Variants in PDE4B observed in about 807,000 individuals in gnomAD.
PDE4B encodes phosphodiesterase 4B.
Under a neutral mutation model 82.2 loss-of-function variants are expected in PDE4B, and 20 were observed. That is an observed-to-expected ratio of 0.24 (90% CI 0.17 to 0.35). PDE4B has a LOEUF of 0.35. Among genes scored for constraint, PDE4B ranks in the 10% least tolerant of loss-of-function variants. The pLI is 1.00. For missense variants in PDE4B, 655 were observed against 907.2 expected, an observed-to-expected ratio of 0.72 and a Z score of 3.57; for synonymous variants, 320 against 318.9, an observed-to-expected ratio of 1.00 and a Z score of -0.04.
At chr1:66,159,460 C>A (rs993316660) in intron 3 of PDE4B, among the ~76,000 whole-genome samples, 14 of 151,480 alleles carry the variant, frequency 9.2e-5, no homozygotes, top group African/African-American at 2.9e-4. Flanking sequence ...GTTGGCCAGG[C>A]TAGTCTCAAA....
chr1:66,087,770 A>G (rs1195708248), intron 3 of PDE4B, among the ~76,000 whole-genome samples: 2 of 150,452 alleles, frequency 1.3e-5, no homozygotes, highest in Admixed American at 6.6e-5. Flanking sequence ...TCGCAGGAAC[A>G]AAAAACCAAA....
At chr1:65,911,845 C>G (rs182362886) in intron 1 of PDE4B, among the ~76,000 whole-genome samples, 8 of 152,256 alleles carry the variant, frequency 5.3e-5, no homozygotes, top group Non-Finnish European at 1.0e-4. Context: ...AGTTTCACTG[C>G]CAACTCCTGC....
intron 3 of PDE4B, among the ~76,000 whole-genome samples, chr1:65,970,618 A>G (rs1650079617): frequency 6.6e-6 from 1 of 152,184 alleles, no homozygotes; most frequent in South Asian, 2.1e-4. Context: ...ATTAACAAGT[A>G]TATAATGTAA....
At chr1:66,120,222 C>T (rs1645682103) in intron 3 of PDE4B, among the ~76,000 whole-genome samples, 1 of 152,162 alleles carries the variant, frequency 6.6e-6, no homozygotes, top group African/African-American at 2.4e-5. Context: ...CTAAACTTCC[C>T]TGATCTTTCT....
At chr1:66,159,222 G>A (rs1646560321) in intron 3 of PDE4B, among the ~76,000 whole-genome samples, 1 of 151,758 alleles carries the variant, frequency 6.6e-6, no homozygotes. Context: ...AGTTATTAGA[G>A]GTCATTTATA....
At chr1:66,083,588 C>T (rs1270855796) in intron 3 of PDE4B, among the ~76,000 whole-genome samples, 1 of 152,108 alleles carries the variant, frequency 6.6e-6, no homozygotes, top group Non-Finnish European at 1.5e-5. Flanking sequence ...GGATCCAAAT[C>T]CATGTCTGTT....
intron 1 of PDE4B, among the ~76,000 whole-genome samples, chr1:65,833,368 A>G (rs1361663973): frequency 6.6e-6 from 1 of 152,218 alleles, no homozygotes; most frequent in East Asian, 1.9e-4. Flanking sequence ...CCAGACTTTA[A>G]GGCGTCTGAG....
intron 3 of PDE4B, among the ~76,000 whole-genome samples, chr1:66,212,891 A>C (rs566593): frequency 0.97 from 148,254 of 152,314 alleles, 72,271 homozygotes; most frequent in Middle Eastern, 1. Context: ...TCCTCTGGAT[A>C]CCCCTCAAAG....
At chr1:66,363,671 G>A in intron 12 of PDE4B, 100 bp downstream of exon 12, 1 of 946,406 alleles carries the variant, frequency 1.1e-6, no homozygotes, top group Non-Finnish European at 1.6e-6. Flanking sequence ...TAGCTACTCG[G>A]GAGGCTGAGT....
chr1:65,992,842 G>T, intron 3 of PDE4B: 1 of 1,567,038 alleles, frequency 6.4e-7, no homozygotes, highest in South Asian at 1.2e-5. Flanking sequence ...CTGACCTGCA[G>T]CAGTGTCTCT....
At chr1:65,887,151 TTTCCTTCC>T (rs1299285227) in intron 1 of PDE4B, among the ~76,000 whole-genome samples, 1 of 144,208 alleles carries the variant, frequency 6.9e-6, no homozygotes, top group African/African-American at 2.6e-5. Flanking sequence ...CCTCCTTTCC[TTTCCTTCC>T]TTCCTTCCTT....
chr1:65,838,646 C>CAT (rs976880782), intron 1 of PDE4B, among the ~76,000 whole-genome samples: 44 of 148,646 alleles, frequency 3.0e-4, no homozygotes, highest in African/African-American at 9.8e-4. Flanking sequence ...TATACATATA[C>CAT]ATATATATAT....
intron 3 of PDE4B, among the ~76,000 whole-genome samples, chr1:66,194,713 A>G (rs1000235857): frequency 1.3e-5 from 2 of 152,132 alleles, no homozygotes; most frequent in African/African-American, 4.8e-5. Flanking sequence ...AGAATATGAA[A>G]ATAATAAAAA....
intron 3 of PDE4B, among the ~76,000 whole-genome samples, chr1:65,983,681 A>C (rs1469379398): frequency 6.6e-6 from 1 of 152,080 alleles, no homozygotes; most frequent in East Asian, 1.9e-4. Flanking sequence ...TTCCCTCACA[A>C]CCCTCAGAGG....
intron 7 of PDE4B, among the ~76,000 whole-genome samples, chr1:66,272,216 G>C (rs1306812888): frequency 1.3e-5 from 2 of 152,200 alleles, no homozygotes; most frequent in Non-Finnish European, 2.9e-5. Flanking sequence ...GGGCATTCTT[G>C]ACAGCTCTAT....
chr1:65,897,187 C>G (rs1646920003), intron 1 of PDE4B, among the ~76,000 whole-genome samples: 1 of 152,042 alleles, frequency 6.6e-6, no homozygotes, highest in Non-Finnish European at 1.5e-5. Flanking sequence ...GCTGAATGTT[C>G]CACAGTTACT....
chr1:66,198,825 T>C (rs544579424), intron 3 of PDE4B, among the ~76,000 whole-genome samples: 1 of 152,020 alleles, frequency 6.6e-6, no homozygotes, highest in Non-Finnish European at 1.5e-5. Flanking sequence ...GTGTTCTCGT[T>C]GTTCAATTCC....
At chr1:66,141,327 AATATATATATATATAT>A (rs71058454) in intron 3 of PDE4B, among the ~76,000 whole-genome samples, 32,367 of 91,516 alleles carry the variant, frequency 0.35, 4,960 homozygotes, top group Middle Eastern at 0.42. Context: ...AAGCTTTGAG[AATATATATATATATAT>A]ATATATATAT....
intron 7 of PDE4B, among the ~76,000 whole-genome samples, chr1:66,315,295 A>G (rs1002443140): frequency 2.0e-5 from 3 of 152,200 alleles, no homozygotes; most frequent in Admixed American, 6.5e-5. Context: ...AGAAAGTAAA[A>G]TGTGTTTTAT....
Sources: allele counts gnomAD v4.1 joint callset (sites outside exome capture counted in the v4.1 genomes callset), GRCh38; gene constraint gnomAD v4.1.1; transcripts MANE v1.5; gene names NCBI Gene and HGNC (gene_info 2026-07-23, HGNC 2026-07-21).